The following ABCC4 variants were observed in gnomAD, a reference collection of about 807,000 sequenced individuals.
ABCC4 encodes ATP binding cassette subfamily C member 4 (PEL blood group), also known as ATP-binding cassette sub-family C member 4.
In ABCC4, 102 loss-of-function variants were observed where a neutral mutation model predicts 168.5. The ratio of observed to expected loss-of-function variants is 0.61; its 90% confidence interval spans 0.52 to 0.71. ABCC4 has a LOEUF of 0.71. ABCC4 is among the 30% of genes least tolerant of loss of function. The probability of loss-of-function intolerance (pLI) is 0.00; values close to 1 mark genes in which losing one functional copy is unlikely to be tolerated. For missense variants in ABCC4, 1,402 were observed against 1,605.8 expected, an observed-to-expected ratio of 0.87 and a Z score of 2.17; for synonymous variants, 617 against 590.7, an observed-to-expected ratio of 1.04 and a Z score of -0.65.
At chr13:95,144,105 C>G (rs1211879962) in intron 19 of ABCC4, among the ~76,000 whole-genome samples, 2 of 152,132 alleles carry the variant, frequency 1.3e-5, no homozygotes, top group Non-Finnish European at 2.9e-5. Flanking sequence ...CACACTGTGA[C>G]ACCTGTTATT....
At chr13:95,037,935 G>A (rs2032190935) in intron 29 of ABCC4, among the ~76,000 whole-genome samples, 3 of 151,736 alleles carry the variant, frequency 2.0e-5, no homozygotes, top group Admixed American at 6.6e-5. Context: ...GTGTGGTCTC[G>A]GTTCACTGCA....
chr13:95,235,856 C>G (rs368178201), intron 3 of ABCC4, among the ~76,000 whole-genome samples: 5 of 152,164 alleles, frequency 3.3e-5, no homozygotes, highest in Admixed American at 3.3e-4. Flanking sequence ...AAATTAAACA[C>G]AGCAGAAATT....
At chr13:95,109,794 C>G (rs2035140611) in intron 20 of ABCC4, among the ~76,000 whole-genome samples, 1 of 152,146 alleles carries the variant, frequency 6.6e-6, no homozygotes, top group Admixed American at 6.5e-5. Context: ...TCTGTCCCTC[C>G]CAATAGAGTA....
At chr13:95,177,464 A>G (rs992393169) in intron 13 of ABCC4, among the ~76,000 whole-genome samples, 1 of 152,056 alleles carries the variant, frequency 6.6e-6, no homozygotes. Context: ...CTGTTTCTCA[A>G]CTCCCTAAAA....
chr13:95,234,430 G>A (rs184436786), intron 4 of ABCC4, among the ~76,000 whole-genome samples, 180 bp downstream of exon 4: 36 of 152,320 alleles, frequency 2.4e-4, no homozygotes, highest in African/African-American at 7.7e-4. Flanking sequence ...CTAGTAAGGT[G>A]TAAATGATTC....
chr13:95,087,178 T>G (rs763565416), intron 20 of ABCC4, among the ~76,000 whole-genome samples: 1 of 152,156 alleles, frequency 6.6e-6, no homozygotes, highest in Non-Finnish European at 1.5e-5. Context: ...ATTCTTCTAC[T>G]TATTTATTTT....
At chr13:95,170,974 G>C (rs776798050) in intron 13 of ABCC4, among the ~76,000 whole-genome samples, 3 of 151,772 alleles carry the variant, frequency 2.0e-5, no homozygotes, top group Non-Finnish European at 2.9e-5. Flanking sequence ...GAGAAAGAAA[G>C]ATCGAGGTCA....
At chr13:95,077,223 A>G (rs1678351) in intron 21 of ABCC4, among the ~76,000 whole-genome samples, 140,201 of 152,290 alleles carry the variant, frequency 0.92, 64,694 homozygotes, top group Non-Finnish European at 0.96. Context: ...TTCTTTTCTG[A>G]GATAAATGAT....
chr13:95,031,175 G>A (rs1018202181), intron 30 of ABCC4, among the ~76,000 whole-genome samples: 2 of 152,210 alleles, frequency 1.3e-5, no homozygotes. Context: ...CTCCTAAGAG[G>A]ACCAAGTGTA....
chr13:95,070,765 C>A (rs1594046272), intron 25 of ABCC4, among the ~76,000 whole-genome samples: 1 of 152,046 alleles, frequency 6.6e-6, no homozygotes, highest in Admixed American at 6.5e-5. Flanking sequence ...CAGCTGCTCA[C>A]CCAGGCAAGG....
At chr13:95,236,377 A>C (rs557727542) in intron 3 of ABCC4, among the ~76,000 whole-genome samples, 1 of 152,348 alleles carries the variant, frequency 6.6e-6, no homozygotes, top group East Asian at 1.9e-4. Context: ...TTCTTAACAA[A>C]GACATAATAA....
At chr13:95,033,895 C>CGAG (rs1334407798) in intron 30 of ABCC4, among the ~76,000 whole-genome samples, 2 of 152,088 alleles carry the variant, frequency 1.3e-5, no homozygotes, top group African/African-American at 4.8e-5. Flanking sequence ...CTCCCAACCT[C>CGAG]AGGTGATCTG....
At chr13:95,205,893 A>G (rs758050894) in intron 8 of ABCC4, among the ~76,000 whole-genome samples, 4 of 152,228 alleles carry the variant, frequency 2.6e-5, no homozygotes, top group Non-Finnish European at 4.4e-5. Context: ...GGTCCTTGTT[A>G]CAGTCGTACA....
chr13:95,072,945 C>T (rs536521419), intron 24 of ABCC4, among the ~76,000 whole-genome samples: 16 of 152,224 alleles, frequency 1.1e-4, no homozygotes, highest in African/African-American at 3.4e-4. Context: ...TCAGAACCTC[C>T]CTCCTACAGA....
chr13:95,067,375 G>T (rs1028689382), intron 25 of ABCC4, among the ~76,000 whole-genome samples: 1 of 152,152 alleles, frequency 6.6e-6, no homozygotes, highest in Non-Finnish European at 1.5e-5. Context: ...GGACTATCCA[G>T]AGTCTCATGT....
intron 2 of ABCC4, 107 bp from the exon 3 acceptor site, chr13:95,247,202 C>A: frequency 7.8e-7 from 1 of 1,274,418 alleles, no homozygotes. Context: ...CATTTTGTGA[C>A]GATTTCATAA....
intron 1 of ABCC4, among the ~76,000 whole-genome samples, chr13:95,287,628 C>A (rs1473208416): frequency 6.6e-6 from 1 of 151,928 alleles, no homozygotes; most frequent in Non-Finnish European, 1.5e-5. Context: ...CCTCTTGGAG[C>A]CAGTCCCAGA....
At chr13:95,290,327 G>A (rs958527728) in intron 1 of ABCC4, among the ~76,000 whole-genome samples, 18 of 152,240 alleles carry the variant, frequency 1.2e-4, no homozygotes, top group Non-Finnish European at 1.9e-4. Flanking sequence ...AAGGTTAAAA[G>A]AAATAATGCA....
At chr13:95,054,437 A>C (rs1213011257) in intron 26 of ABCC4, among the ~76,000 whole-genome samples, 1 of 151,866 alleles carries the variant, frequency 6.6e-6, no homozygotes, top group East Asian at 1.9e-4. Flanking sequence ...AGTCCCAGCT[A>C]CTTGGGAGGC....
Sources: allele counts gnomAD v4.1 joint callset (sites outside exome capture counted in the v4.1 genomes callset), GRCh38; gene constraint gnomAD v4.1.1; transcripts MANE v1.5; gene names NCBI Gene and HGNC (gene_info 2026-07-23, HGNC 2026-07-21).